The following RNF111 variants were observed in gnomAD, a reference collection of about 807,000 sequenced individuals.
RNF111 encodes E3 ubiquitin-protein ligase Arkadia.
Under a neutral mutation model 95.1 loss-of-function variants are expected in RNF111, and 17 were observed. The observed-to-expected ratio is 0.18, with a 90% CI of 0.12 to 0.27. The LOEUF (loss-of-function observed/expected upper bound fraction) is 0.27, where lower values mean the gene tolerates loss of function less well. RNF111 is among the 10% of genes least tolerant of loss of function. The pLI is 1.00. For synonymous variants in RNF111, 440 were observed against 414.8 expected (o/e 1.06, Z -0.74); for missense variants, 1,189 against 1,210.4 (o/e 0.98, Z 0.26).
Position 59,067,360 on chromosome 15 carries a change from C to T in RNF111, c.1686+277C>T, listed in dbSNP as rs555683054. ...TTCCCTCTCCTTTCTCCTTTCCCTT[C>T]CCCTTCCCCTTCTTCCTGTTTTAGA... On this transcript the variant is annotated intron_variant, in intron 6 of 13. Transcript: ENST00000348370. 5.9e-5 allele frequency among the ~76,000 whole-genome samples: 9 copies of T among 151,838 alleles called. No individual in the cohort carries two copies. In the East Asian group the frequency reaches 1.7e-3, roughly 29 times the overall value.
chr15:59,090,322 T>C (rs1459595470), intron 11 of RNF111, among the ~76,000 whole-genome samples: 1 of 152,106 alleles, frequency 6.6e-6, no homozygotes, highest in African/African-American at 2.4e-5. Flanking sequence ...CTGCGCCTCC[T>C]GGGTTCAAGC....
intron 2 of RNF111, among the ~76,000 whole-genome samples, chr15:59,045,176 T>TA (rs2041648089): frequency 6.6e-6 from 1 of 151,846 alleles, no homozygotes; most frequent in Admixed American, 6.6e-5. Flanking sequence ...CAGTTTTTTT[T>TA]TTTAAGTGTT....
intron 6 of RNF111, 77 bp downstream of exon 6, chr15:59,067,160 C>T (rs1213671244): frequency 8.4e-7 from 1 of 1,196,110 alleles, no homozygotes; most frequent in African/African-American, 1.5e-5. Context: ...TTTTCTCTCT[C>T]TTCCTCTTCC....
At chr15:59,011,953 TTA>T (rs376354863) in intron 1 of RNF111, among the ~76,000 whole-genome samples, 1 of 150,734 alleles carries the variant, frequency 6.6e-6, no homozygotes, top group Non-Finnish European at 1.5e-5. Flanking sequence ...GATTCCTAGC[TTA>T]TATAAGAATA....
chr15:59,026,414 G>A (rs148576052), intron 1 of RNF111, among the ~76,000 whole-genome samples: 2 of 146,300 alleles, frequency 1.4e-5, no homozygotes, highest in East Asian at 2.0e-4. Flanking sequence ...TGATTGGATC[G>A]ATCTACACAA....
intron 2 of RNF111, among the ~76,000 whole-genome samples, chr15:59,047,015 GT>G (rs1424348028): frequency 6.6e-6 from 1 of 151,950 alleles, no homozygotes; most frequent in Non-Finnish European, 1.5e-5. Flanking sequence ...TTGAGACGAG[GT>G]TTTGCCATGT....
chr15:59,001,776 A>G (rs2039334477), intron 1 of RNF111, among the ~76,000 whole-genome samples: 1 of 152,180 alleles, frequency 6.6e-6, no homozygotes, highest in Non-Finnish European at 1.5e-5. Context: ...TTATGAAATC[A>G]TGTTTAAAGA....
chr15:59,000,231 T>G (rs1192208783), intron 1 of RNF111, among the ~76,000 whole-genome samples: 1 of 151,014 alleles, frequency 6.6e-6, no homozygotes, highest in Admixed American at 6.6e-5. Flanking sequence ...TGGTGAGATC[T>G]TAGTTCACTA....
In RNF111 at chr15:59,095,577, A is replaced by T. The variant is rs150220686; in HGVS notation, c.*677A>T. The T allele has an allele frequency of 2.6e-5, 4 of 154,698 alleles. No individual in the cohort carries two copies. The highest frequency in any genetic ancestry group is 7.2e-5 in the African/African-American group (3 of 41,690). 9.6% of individuals were successfully genotyped at this position (154,698 alleles called of 1,614,324 possible). On this transcript the variant is annotated 3_prime_UTR_variant, in exon 14 of 14. Coordinates refer to ENST00000348370, the MANE Select transcript of RNF111 (RefSeq NM_017610.8). ...CAGTGCAGATAAGAGTTGAATATTG[A>T]TATCATACATTTAGACTGCTGTTCT...
chr15:58,996,306 C>G (rs2039068444), intron 1 of RNF111, among the ~76,000 whole-genome samples: 1 of 152,110 alleles, frequency 6.6e-6, no homozygotes, highest in Non-Finnish European at 1.5e-5. Flanking sequence ...GGTGCGGTAG[C>G]TCATACCTAT....
rs554907327 is a variant in RNF111, at chr15:59,014,936, G to T, written c.-19-15868G>T. 1.3e-4 allele frequency among the ~76,000 whole-genome samples: 20 copies of T among 152,152 alleles called. No homozygotes were observed. The East Asian group carries it at 2.1e-3, about 16-fold the overall frequency. ...CTCCCCTAATTTTTGTATTTTTTTAGAGACAGAGTTTCACCATGTTGTCCA... is the reference window on the plus strand; with the variant it reads ...CTCCCCTAATTTTTGTATTTTTTTATAGACAGAGTTTCACCATGTTGTCCA... On this transcript the variant is annotated intron_variant, in intron 1 of 13. Coordinates refer to ENST00000348370, the MANE Select transcript of RNF111 (RefSeq NM_017610.8).
intron 1 of RNF111, among the ~76,000 whole-genome samples, chr15:59,026,389 G>A (rs557405971): frequency 6.4e-4 from 73 of 113,186 alleles, no homozygotes; most frequent in Middle Eastern, 0.01. Flanking sequence ...CAGTCATCAT[G>A]ACATAGCAAT....
rs1307108753 is a variant in RNF111 at position 59,060,810 on chromosome 15, T to TTA, written c.1366+2261_1366+2262insAT. ...CATTATTATTATTATTATTATTATT[T>TTA]TTTTTTTTGTGAGACAGGTCTGACT... On this transcript the variant is annotated intron_variant, in intron 5 of 13. Transcript: ENST00000348370. Among the ~76,000 whole-genome samples the TTA allele has an allele frequency of 3.2e-3, 398 of 124,952 alleles. 2 individuals are homozygous for TTA. The highest frequency in any genetic ancestry group is 9.5e-3 in the African/African-American group (301 of 31,808). The allele number at this position is 124,952 out of a possible 152,430, so 82.0% of individuals were successfully genotyped here.
At chr15:59,043,096 C>T (rs549197079) in intron 2 of RNF111, among the ~76,000 whole-genome samples, 3 of 151,580 alleles carry the variant, frequency 2.0e-5, no homozygotes, top group Non-Finnish European at 4.4e-5. Flanking sequence ...GTATAATTAA[C>T]TACTATAAAA....
At chr15:58,993,998 A>G (rs2038933407) in intron 1 of RNF111, among the ~76,000 whole-genome samples, 1 of 142,914 alleles carries the variant, frequency 7.0e-6, no homozygotes, top group Admixed American at 7.0e-5. Flanking sequence ...TACTTATTTT[A>G]CTATCTTTTG....
intron 1 of RNF111, among the ~76,000 whole-genome samples, chr15:59,015,848 C>T (rs557161275): frequency 1.3e-5 from 2 of 151,964 alleles, no homozygotes; most frequent in East Asian, 1.9e-4. Context: ...ATGTTTATAA[C>T]GTATTCTGGT....
At chr15:59,050,452 G>A (rs1208991925) in intron 2 of RNF111, 2 of 152,130 alleles carry the variant, frequency 1.3e-5, no homozygotes, top group African/African-American at 2.4e-5. Context: ...GAATTTTAAA[G>A]TATGTAAATT....
chr15:59,039,524 G>A (rs566908833), intron 2 of RNF111, among the ~76,000 whole-genome samples: 1 of 152,100 alleles, frequency 6.6e-6, no homozygotes, highest in African/African-American at 2.4e-5. Context: ...GTTTCAGTTT[G>A]TTGCAGTCTT....
chr15:59,022,516 G>A (rs2040395627), intron 1 of RNF111, among the ~76,000 whole-genome samples: 1 of 152,208 alleles, frequency 6.6e-6, no homozygotes, highest in Admixed American at 6.5e-5. Flanking sequence ...AGCATGAGCA[G>A]TAATATCCAG....
Sources: allele counts gnomAD v4.1 joint callset (sites outside exome capture counted in the v4.1 genomes callset), GRCh38; gene constraint gnomAD v4.1.1; transcripts MANE v1.5; gene names NCBI Gene and HGNC (gene_info 2026-07-23, HGNC 2026-07-21).